Variants in PREX2 observed in about 807,000 individuals in gnomAD.
PREX2 encodes phosphatidylinositol 3,4,5-trisphosphate-dependent Rac exchanger 2 protein.
Under a neutral mutation model 203.2 loss-of-function variants are expected in PREX2, and 107 were observed. The observed-to-expected ratio is 0.53, with a 90% CI of 0.45 to 0.62. PREX2 has a LOEUF of 0.62. Among genes scored for constraint, PREX2 ranks in the 20% least tolerant of loss-of-function variants. The pLI, the probability that PREX2 is intolerant of heterozygous loss-of-function variation, is 0.00. For synonymous variants in PREX2, 672 were observed against 663.6 expected (o/e 1.01, Z -0.19); for missense variants, 1,777 against 1,955.9 (o/e 0.91, Z 1.72).
At position 68,190,417 on chromosome 8, in the gene PREX2, T is replaced by A. The variant is rs527611755; in HGVS notation, c.4347-1305T>A. On this transcript the variant is annotated intron_variant, in intron 35 of 39. Coordinates refer to ENST00000288368, the MANE Select transcript of PREX2 (RefSeq NM_024870.4). ...CATAATATGCAGCTGTAAAAAACAA[T>A]GAGATTATGTGCCTTGTAGCAACAT... Among the ~76,000 whole-genome samples the A allele has an allele frequency of 2.1e-3, 323 of 152,096 alleles. 3 individuals carry two copies. Among genetic ancestry groups the A allele is most frequent in the South Asian group, 0.019 (92 of 4,820 alleles).
intron 35 of PREX2, among the ~76,000 whole-genome samples, chr8:68,188,777 C>T (rs2129614591): frequency 6.6e-6 from 1 of 152,244 alleles, no homozygotes; most frequent in East Asian, 1.9e-4. Context: ...ATTCAATTAT[C>T]TCCATCTGGC....
intron 38 of PREX2, among the ~76,000 whole-genome samples, chr8:68,223,749 G>A (rs1813003124): frequency 6.6e-6 from 1 of 152,106 alleles, no homozygotes; most frequent in South Asian, 2.1e-4. Flanking sequence ...CATTGCCAAA[G>A]TAGATTTTAT....
At chr8:68,064,526 A>G (rs13260500) in intron 11 of PREX2, among the ~76,000 whole-genome samples, 104,753 of 150,582 alleles carry the variant, frequency 0.7, 36,398 homozygotes, top group East Asian at 0.74. Context: ...ACGCCACCAT[A>G]CCCAGCTAAT....
intron 35 of PREX2, among the ~76,000 whole-genome samples, chr8:68,161,070 A>ATTTTC (rs1363360944): frequency 6.6e-6 from 1 of 151,324 alleles, no homozygotes; most frequent in East Asian, 1.9e-4. Context: ...ACCTTTTAAA[A>ATTTTC]TTTTCTTTTC....
chr8:67,975,272 G>GTTTTTTTTTTTTTTTTTTTTTTTTTTTTT (rs75276095), intron 1 of PREX2, among the ~76,000 whole-genome samples: 1 of 96,822 alleles, frequency 1.0e-5, no homozygotes, highest in African/African-American at 4.5e-5. Flanking sequence ...CACACGGCCT[G>GTTTTTTTTTTTTTTTTTTTTTTTTTTTTT]TTTTTTTTTT....
At chr8:68,150,658 C>T (rs1811415349) in intron 34 of PREX2, among the ~76,000 whole-genome samples, 2 of 152,114 alleles carry the variant, frequency 1.3e-5, no homozygotes, top group Non-Finnish European at 2.9e-5. Flanking sequence ...GCCAAGGTGG[C>T]GATTGATCTT....
Position 68,017,878 on chromosome 8 carries a change from A to G in PREX2, c.174A>G (p.Ala58=), listed in dbSNP as rs1379301907. The G allele has an allele frequency of 6.2e-7, 1 of 1,612,976 alleles. No individual in the cohort carries two copies. The highest frequency in any genetic ancestry group is 1.3e-5 in the African/African-American group (1 of 74,892). The change falls in exon 2 of 40, where the codon GCA becomes GCG. Residue 58 remains alanine, a synonymous_variant. Transcript: ENST00000288368. ...TACACAGAATGAACCAGTGTGCAGC[A>G]TCAAAAGTTGACAAAAATGTGACAG... The part of the protein sequence containing the change: ...AFLHRMNQCA[A]SKVDKNVTEE...
chr8:68,074,296 GT>G (rs1391832804), intron 14 of PREX2, among the ~76,000 whole-genome samples: 1 of 151,994 alleles, frequency 6.6e-6, no homozygotes, highest in Non-Finnish European at 1.5e-5. Flanking sequence ...TTTCTTCGTG[GT>G]TTATTATGAC....
At chr8:67,966,503 C>G (rs1319211412) in intron 1 of PREX2, among the ~76,000 whole-genome samples, 2 of 151,398 alleles carry the variant, frequency 1.3e-5, no homozygotes, top group Non-Finnish European at 2.9e-5. Flanking sequence ...TAAAATGCAT[C>G]AATCTGGGCA....
At chr8:68,003,241 C>A (rs974559536) in intron 1 of PREX2, among the ~76,000 whole-genome samples, 30 of 151,980 alleles carry the variant, frequency 2.0e-4, no homozygotes, top group African/African-American at 7.3e-4. Flanking sequence ...GACTCAAACT[C>A]CTGGGCTCAA....
intron 6 of PREX2, among the ~76,000 whole-genome samples, chr8:68,031,403 A>G (rs1357858742): frequency 2.0e-5 from 3 of 152,186 alleles, no homozygotes; most frequent in African/African-American, 7.2e-5. Context: ...GATAATTTTT[A>G]AGTGTAGGAA....
intron 10 of PREX2, among the ~76,000 whole-genome samples, chr8:68,059,287 C>T (rs16934087): frequency 0.02 from 2,276 of 111,488 alleles, 48 homozygotes; most frequent in African/African-American, 0.1. Context: ...AATGATACCA[C>T]GTGACCTTTT....
intron 37 of PREX2, among the ~76,000 whole-genome samples, chr8:68,210,786 CTG>C (rs1235835384): frequency 6.6e-6 from 1 of 152,120 alleles, no homozygotes; most frequent in East Asian, 1.9e-4. Context: ...AAATGACCAA[CTG>C]TAGGAGGCCC....
intron 1 of PREX2, among the ~76,000 whole-genome samples, chr8:67,966,441 T>C (rs901116038): frequency 1.3e-5 from 2 of 151,444 alleles, no homozygotes; most frequent in African/African-American, 2.4e-5. Flanking sequence ...TTTTTTTTTT[T>C]CCAAATAATA....
intron 35 of PREX2, among the ~76,000 whole-genome samples, chr8:68,162,807 ACTGTGGCCATCT>A (rs1811680747): frequency 6.6e-6 from 1 of 152,176 alleles, no homozygotes; most frequent in East Asian, 1.9e-4. Context: ...CCCAGACCTC[ACTGTGGCCATCT>A]GTCCAGATCC....
intron 38 of PREX2, among the ~76,000 whole-genome samples, chr8:68,221,655 G>A (rs534025319): frequency 6.6e-6 from 1 of 152,246 alleles, no homozygotes; most frequent in East Asian, 1.9e-4. Flanking sequence ...AAGCCAGAGT[G>A]TAAAAATGCA....
chr8:68,127,052 G>A (rs931201191), intron 30 of PREX2, among the ~76,000 whole-genome samples: 1 of 152,060 alleles, frequency 6.6e-6, no homozygotes, highest in Non-Finnish European at 1.5e-5. Flanking sequence ...AGCTAAGGAT[G>A]ACCTAAAAAG....
At chr8:68,089,134 C>G (rs1408534470) in intron 19 of PREX2, among the ~76,000 whole-genome samples, 2 of 151,934 alleles carry the variant, frequency 1.3e-5, no homozygotes, top group East Asian at 3.9e-4. Context: ...CCCTGCCTCC[C>G]ACCCTCAGCT....
intron 5 of PREX2, among the ~76,000 whole-genome samples, chr8:68,027,662 A>T (rs1807767516): frequency 6.6e-6 from 1 of 152,106 alleles, no homozygotes; most frequent in African/African-American, 2.4e-5. Context: ...AAATAAATCC[A>T]CTGCTGGTAT....
Sources: allele counts gnomAD v4.1 joint callset (sites outside exome capture counted in the v4.1 genomes callset), GRCh38; gene constraint gnomAD v4.1.1; transcripts MANE v1.5; gene names NCBI Gene and HGNC (gene_info 2026-07-23, HGNC 2026-07-21).